Variants in UGT2B11 observed in about 807,000 individuals in gnomAD.
UGT2B11 encodes the protein UDP-glucuronosyltransferase 2B11.
Under a neutral mutation model 51.7 loss-of-function variants are expected in UGT2B11, and 49 were observed. That is an observed-to-expected ratio of 0.95 (90% CI 0.75 to 1.20). The LOEUF is 1.20. UGT2B11 is among the 50% of genes most tolerant of loss of function. The pLI, the probability that UGT2B11 is intolerant of heterozygous loss-of-function variation, is 0.00. For missense variants in UGT2B11, 810 were observed against 622.1 expected (o/e 1.30, Z -3.21); for synonymous variants, 273 against 209.0 (o/e 1.31, Z -2.64).
the UGT2B11 span, among the ~76,000 whole-genome samples, chr4:69,221,720 C>A: frequency 6.6e-6 from 1 of 152,200 alleles, no homozygotes; most frequent in Non-Finnish European, 1.5e-5. Flanking sequence ...TGAGGACAGT[C>A]ATCTGGGGCA....
chr4:69,215,460 G>T (rs549909081), upstream of UGT2B11: 1 of 151,944 alleles, frequency 6.6e-6, no homozygotes, highest in African/African-American at 2.4e-5. Flanking sequence ...TGTAAATAAG[G>T]ACTTCATTTT....
chr4:69,217,785 C>T (rs1243754905), upstream of UGT2B11, among the ~76,000 whole-genome samples: 1 of 152,054 alleles, frequency 6.6e-6, no homozygotes, highest in African/African-American at 2.4e-5. Context: ...AAATACCATA[C>T]ATTGCCTAGC....
At chr4:69,206,264 C>T (rs183825822) in intron 3 of UGT2B11, among the ~76,000 whole-genome samples, 1 of 151,064 alleles carries the variant, frequency 6.6e-6, no homozygotes, top group African/African-American at 2.4e-5. Flanking sequence ...GAAAATATGG[C>T]ATATATACAC....
At chr4:69,202,521 G>T (rs1006891584) in intron 5 of UGT2B11, among the ~76,000 whole-genome samples, 9 of 151,472 alleles carry the variant, frequency 5.9e-5, no homozygotes, top group African/African-American at 2.2e-4. Context: ...TCACTTCAAG[G>T]AAAGATTAAA....
chr4:69,204,296 C>T, intron 5 of UGT2B11, 134 bp downstream of exon 5: 3 of 1,353,118 alleles, frequency 2.2e-6, no homozygotes, highest in Non-Finnish European at 3.0e-6. Flanking sequence ...AAAAACAAAG[C>T]AGATTTCAGA....
chr4:69,208,420 T>C lies in UGT2B11; in HGVS notation c.933A>G (p.Ser311=), dbSNP rs1177241379. 17 of 1,610,506 alleles carry C rather than the reference T, an allele frequency of 1.1e-5. 1 individual carries two copies. The highest frequency in any genetic ancestry group is 3.3e-5 in the Admixed American group (2 of 59,810). The change falls in exon 3 of 6, where the codon TCA becomes TCG. Residue 311 remains serine (S), a synonymous_variant. Transcript: ENST00000446444. The part of the protein sequence containing the change: ...ENGVVVFSLG[S]VISNMTAERA... ...TTTCTGCTGTCATGTTACTTATCACTGACCCCAGAGAAAACACCACAACAC... is the reference window on the plus strand; with the variant it reads ...TTTCTGCTGTCATGTTACTTATCACCGACCCCAGAGAAAACACCACAACAC...
chr4:69,203,457 A>G (rs1242747919), intron 5 of UGT2B11, among the ~76,000 whole-genome samples: 1 of 151,746 alleles, frequency 6.6e-6, no homozygotes, highest in East Asian at 1.9e-4. Context: ...AGTTCTCCAT[A>G]AACATACAGT....
intron 2 of UGT2B11, among the ~76,000 whole-genome samples, chr4:69,212,291 G>T (rs924103899): frequency 1.3e-5 from 2 of 151,476 alleles, no homozygotes; most frequent in African/African-American, 4.8e-5. Flanking sequence ...TTATTTGAAT[G>T]AATGACCAAT....
rs372787822 is a variant in UGT2B11 at position 69,214,641 on chromosome 4, C to T, written c.82G>A (p.Val28Met). ...FSSGSCGKVL[V>M]WAAEYSHWMN... is the part of the protein sequence containing the mutation. The stretch of plus-strand genomic sequence containing the variant: ...CAATGGCTGTATTCTGCGGCCCACA[C>T]CAGCACTTTTCCACAACTCCCAGAG... Residue 28 changes from valine (V) to methionine (M), a missense_variant, in exon 1 of 6, where the codon GTG (valine) becomes ATG (methionine). Transcript: ENST00000446444. The T allele has an allele frequency of 2.5e-6, 4 of 1,613,188 alleles. No homozygotes were observed. Among genetic ancestry groups the T allele is most frequent in the Non-Finnish European group, 3.4e-6 (4 of 1,179,362 alleles).
chr4:69,202,592 A>G (rs574414441), intron 5 of UGT2B11, among the ~76,000 whole-genome samples: 1 of 151,792 alleles, frequency 6.6e-6, no homozygotes, highest in Non-Finnish European at 1.5e-5. Context: ...ATACATGTGT[A>G]TTGTATATGT....
At position 69,214,256 on chromosome 4, in the gene UGT2B11, C is replaced by A; in HGVS notation, c.467G>T (p.Cys156Phe). 1 of 1,613,226 alleles carries A rather than the reference C, an allele frequency of 6.2e-7. No individual in the cohort carries two copies. Among genetic ancestry groups the A allele is most frequent in the South Asian group, 1.1e-5 (1 of 91,062 alleles). The change falls in exon 1 of 6, where the codon TGT becomes TTT. Residue 156 changes from cysteine to phenylalanine, a missense_variant. Cys to Phe is a radical substitution (Grantham distance 205). Coordinates refer to ENST00000446444, the MANE Select transcript of UGT2B11 (RefSeq NM_001073.3). ...AAGTAGCGCAGCCAGCAGCTCACCA[C>A]AGGGAAAAACAGCATCTGCAAAAAC... ...DIVFADAVFP[C>F]GELLAALLNI... is the part of the protein sequence containing the mutation.
the UGT2B11 span, among the ~76,000 whole-genome samples, chr4:69,221,124 A>G: frequency 6.6e-6 from 1 of 152,316 alleles, no homozygotes. Context: ...GGGAGGTGCT[A>G]GAAAGGAGAG....
At chr4:69,214,943 C>T (rs1722219828), upstream of UGT2B11, 3 of 694,674 alleles carry the variant, frequency 4.3e-6, no homozygotes, top group Admixed American at 6.8e-5. Context: ...TCACTGTCAT[C>T]CACCTAAGAT....
Position 69,214,138 on chromosome 4 carries a change from A to C in UGT2B11, c.585T>G (p.Pro195=). The change falls in exon 1 of 6, where the codon CCT becomes CCG. Residue 195 remains proline, a synonymous_variant. Coordinates refer to ENST00000446444, the MANE Select transcript of UGT2B11 (RefSeq NM_001073.3). The part of the protein sequence containing the change: ...GGLIFPPSYI[P]IVMSKLSDQM... ...GATCACTTAATTTTGACATAACAATAGGTATGTAGGAAGGAGGGAAAATCA... is the reference window on the plus strand; with the variant it reads ...GATCACTTAATTTTGACATAACAATCGGTATGTAGGAAGGAGGGAAAATCA... 1 of 1,612,582 alleles carries C rather than the reference A, an allele frequency of 6.2e-7. No homozygotes were observed. Among genetic ancestry groups the C allele is most frequent in the Non-Finnish European group, 8.5e-7 (1 of 1,179,156 alleles).
intron 3 of UGT2B11, among the ~76,000 whole-genome samples, chr4:69,207,097 C>T (rs1487992479): frequency 1.3e-5 from 2 of 151,306 alleles, no homozygotes; most frequent in Admixed American, 6.6e-5. Context: ...AATGAGGAAC[C>T]TTTTGGTATC....
Position 69,214,500 on chromosome 4 carries a change from C to T in UGT2B11, c.223G>A (p.Glu75Lys), listed in dbSNP as rs766697698. The T allele has an allele frequency of 6.2e-7, 1 of 1,613,124 alleles. No individual in the cohort carries two copies. Among genetic ancestry groups the T allele is most frequent in the Non-Finnish European group, 8.5e-7 (1 of 1,179,500 alleles). ...DPNDASTLKFEVYPTSLTKTE... is the reference protein window; with the variant it reads ...DPNDASTLKFKVYPTSLTKTE... ...TTAGTTAAAGATGTAGGATAAACTT[C>T]AAATTTAAGAGTGGATGCATCATTG... The change falls in exon 1 of 6, where the codon GAA (glutamate) becomes AAA (lysine). Residue 75 changes from glutamate to lysine, a missense_variant. Glu to Lys is a moderately conservative substitution (Grantham distance 56). Transcript: ENST00000446444.
intron 5 of UGT2B11, among the ~76,000 whole-genome samples, chr4:69,202,991 C>G (rs1323483144): frequency 6.6e-6 from 1 of 151,484 alleles, no homozygotes; most frequent in African/African-American, 2.4e-5. Context: ...ACATTGTTAT[C>G]TTTGGGGAGT....
At chr4:69,222,605 C>T in the UGT2B11 span, among the ~76,000 whole-genome samples, 1 of 152,340 alleles carries the variant, frequency 6.6e-6, no homozygotes, top group African/African-American at 2.4e-5. Context: ...AATTACCAGG[C>T]TGCTGCTAAA....
upstream of UGT2B11, among the ~76,000 whole-genome samples, chr4:69,219,531 A>T (rs1244077013): frequency 6.6e-6 from 1 of 152,150 alleles, no homozygotes; most frequent in East Asian, 1.9e-4. Flanking sequence ...GTTACTAAAG[A>T]CATACCCGAG....
Sources: allele counts gnomAD v4.1 joint callset (sites outside exome capture counted in the v4.1 genomes callset), GRCh38; gene constraint gnomAD v4.1.1; transcripts MANE v1.5; gene names NCBI Gene and HGNC (gene_info 2026-07-23, HGNC 2026-07-21).